KCNQ1: variants seen among roughly 807,000 people sequenced by gnomAD.
KCNQ1 encodes potassium voltage-gated channel subfamily Q member 1.
KCNQ1 carries 49 observed loss-of-function variants against 72.4 expected under a neutral mutation model. That is an observed-to-expected ratio of 0.68 (90% confidence interval 0.54 to 0.86). The LOEUF (loss-of-function observed/expected upper bound fraction) is 0.86. Ranked by LOEUF, KCNQ1 falls within the 40% of genes least tolerant of loss-of-function variation. KCNQ1 has a pLI of 0.00. For missense variants in KCNQ1, 790 were observed against 945.1 expected (o/e 0.84, Z 2.15); for synonymous variants, 450 against 412.6 (o/e 1.09, Z -1.10).
At chr11:2,583,284 G>T (rs886718609) in intron 6 of KCNQ1, 151 bp from the exon 7 acceptor site, 10 of 711,724 alleles carry the variant, frequency 1.4e-5, no homozygotes, top group Non-Finnish European at 1.8e-5. Flanking sequence ...CTCTGTTCCT[G>T]GTGCTTTCGC....
intron 10 of KCNQ1, chr11:2,614,510 T>G (rs898398214): frequency 1.0e-5 from 4 of 398,384 alleles, no homozygotes; most frequent in African/African-American, 8.2e-5. Flanking sequence ...ATTTATGCCT[T>G]TAACTCTTAT....
intron 2 of KCNQ1, among the ~76,000 whole-genome samples, chr11:2,546,096 T>A (rs891934293): frequency 3.3e-5 from 5 of 151,844 alleles, no homozygotes; most frequent in African/African-American, 4.8e-5. Context: ...TGAATAGAAA[T>A]TTTTTTTTCC....
intron 2 of KCNQ1, among the ~76,000 whole-genome samples, chr11:2,553,396 A>T (rs548566448): frequency 2.2e-4 from 34 of 152,224 alleles, no homozygotes; most frequent in African/African-American, 7.9e-4. Flanking sequence ...TGGGAGCTGT[A>T]GGGTTTTAGT....
Position 2,620,211 on chromosome 11 carries a change from A to ATATATATAT in KCNQ1, c.1393+31358_1393+31359insATATATATT, listed in dbSNP as rs1383035176. On this transcript the variant is annotated intron_variant, in intron 10 of 15. Coordinates refer to ENST00000155840, the MANE Select transcript of KCNQ1 (RefSeq NM_000218.3). This position sits in a 1 kb window ranked among gnomAD's most constrained non-coding sequence, Gnocchi z 4.5. ...TAAGTTCATTCATGTATATATATAT[A>ATATATATAT]TTTTTTTTTTTTATTTTTTTTTTAG... 15 of 261,918 alleles carry ATATATATAT rather than the reference A, an allele frequency of 5.7e-5. No individual in the cohort carries two copies. The highest frequency in any genetic ancestry group is 9.4e-5 in the Non-Finnish European group (14 of 149,542). 16.2% of individuals were successfully genotyped at this position (261,918 alleles called of 1,614,324 possible).
At position 2,759,555 on chromosome 11, in the gene KCNQ1, A is replaced by C. The variant is rs1846356787; in HGVS notation, c.1515-9289A>C. On this transcript the variant is annotated intron_variant, in intron 11 of 15. Coordinates refer to ENST00000155840, the MANE Select transcript of KCNQ1 (RefSeq NM_000218.3). This position sits in a 1 kb window ranked among gnomAD's most constrained non-coding sequence, Gnocchi z 4.4. ...TGTGGGACCTCACTGCGCGGGAGGG[A>C]GTTGCAAAGAGCGACACCCCAGCAT... is the stretch of plus-strand genomic sequence containing the variant. 6.6e-6 allele frequency among the ~76,000 whole-genome samples: 1 copy of C among 152,132 alleles called. No homozygotes were observed. Among genetic ancestry groups the C allele is most frequent in the Non-Finnish European group, 1.5e-5 (1 of 68,024 alleles).
In KCNQ1 at chr11:2,652,034, G is replaced by A. The variant is rs1249454182; in HGVS notation, c.1394-9927G>A. 1.5e-5 allele frequency: 6 copies of A among 398,558 alleles called. No individual in the cohort carries two copies. The highest frequency in any genetic ancestry group is 2.7e-5 in the Non-Finnish European group (6 of 226,098). The allele number at this position is 398,558 out of a possible 1,614,324, so 24.7% of individuals were successfully genotyped here. A position where few individuals can be genotyped will look rare whatever the true frequency, so the allele number is the denominator to read the frequency against. On this transcript the variant is annotated intron_variant, in intron 10 of 15. Coordinates refer to ENST00000155840, the MANE Select transcript of KCNQ1 (RefSeq NM_000218.3). The surrounding 1 kb of genome is among the most constrained non-coding windows in gnomAD (Gnocchi z 5.9). ...TGATGTTGAGCCTCCCCCCAGTTCT[G>A]GGGTGGCTCTGACTGTGTCCAGGCT... is the stretch of plus-strand genomic sequence containing the variant.
At position 2,492,130 on chromosome 11, in the gene KCNQ1, T is replaced by G. The variant is rs1448425333; in HGVS notation, c.387-35798T>G. On this transcript the variant is annotated intron_variant, in intron 1 of 15. Transcript: ENST00000155840. This position sits in a 1 kb window ranked among gnomAD's most constrained non-coding sequence, Gnocchi z 4.1. Reference sequence around the variant, plus strand: ...GGTGTTAATAAGCAACAAGAAATGATGTGAAGGTACAAAACTCACTGGTAA... The same window carrying G: ...GGTGTTAATAAGCAACAAGAAATGAGGTGAAGGTACAAAACTCACTGGTAA... Among the ~76,000 whole-genome samples, 1 of 152,148 alleles carries G rather than the reference T, an allele frequency of 6.6e-6. No individual in the cohort carries two copies. The highest frequency in any genetic ancestry group is 1.5e-5 in the Non-Finnish European group (1 of 68,026).
intron 10 of KCNQ1, chr11:2,628,174 A>G: frequency 2.5e-6 from 1 of 398,630 alleles, no homozygotes. Context: ...GCTGGATCAT[A>G]TAGCAGTTCC....
intron 15 of KCNQ1, among the ~76,000 whole-genome samples, chr11:2,812,064 C>G (rs781684136): frequency 6.6e-6 from 1 of 152,130 alleles, no homozygotes; most frequent in Non-Finnish European, 1.5e-5. Context: ...TCATGGTTCT[C>G]TAAGCCGCCG....
Position 2,769,839 on chromosome 11 carries a change from C to T in KCNQ1, c.1590+920C>T, listed in dbSNP as rs141570862. On this transcript the variant is annotated intron_variant, in intron 12 of 15. Transcript: ENST00000155840. This position sits in a 1 kb window ranked among gnomAD's most constrained non-coding sequence, Gnocchi z 4.6. ...GCTTCTGAGCTGGGGGCCCCTGGCA[C>T]CTCAGCCACAGCCTCACCAGTCATA... Among the ~76,000 whole-genome samples the T allele has an allele frequency of 5.2e-3, 796 of 152,164 alleles. 6 individuals are homozygous for T. Among genetic ancestry groups the T allele is most frequent in the African/African-American group, 0.018 (734 of 41,472 alleles).
At chr11:2,505,240 C>G (rs1847083918) in intron 1 of KCNQ1, among the ~76,000 whole-genome samples, 1 of 152,002 alleles carries the variant, frequency 6.6e-6, no homozygotes, top group Admixed American at 6.6e-5. Context: ...TTCTTTGATT[C>G]ATTGGTTAAG....
Position 2,445,414 on chromosome 11 carries a change from G to C in KCNQ1, c.316G>C (p.Val106Leu). Residue 106 changes from valine to leucine, a missense_variant, in exon 1 of 16, where the codon GTC (valine) becomes CTC (leucine). Val to Leu is a conservative substitution (Grantham distance 32). Around this residue, in one of 5 missense-constraint regions of KCNQ1, gnomAD observed 294 missense variants for 323.3 expected, o/e 0.91. Transcript: ENST00000155840. ...TRRPVLARTH[V>L]QGRVYNFLER... Reference sequence around the variant, plus strand: ...CCGCCCGGTGTTGGCGCGCACCCACGTCCAGGGCCGCGTCTACAACTTCCT... The same window carrying C: ...CCGCCCGGTGTTGGCGCGCACCCACCTCCAGGGCCGCGTCTACAACTTCCT... 6.3e-7 allele frequency: 1 copy of C among 1,597,916 alleles called. No individual in the cohort carries two copies. Among genetic ancestry groups the C allele is most frequent in the Non-Finnish European group, 8.5e-7 (1 of 1,179,726 alleles).
At chr11:2,667,710 G>A (rs1477660610) in intron 11 of KCNQ1, 3 of 398,664 alleles carry the variant, frequency 7.5e-6, no homozygotes, top group Non-Finnish European at 1.3e-5. Context: ...CAGGAAGTCT[G>A]GAAGCCGTGT....
intron 15 of KCNQ1, among the ~76,000 whole-genome samples, chr11:2,833,583 C>G (rs1422161821): frequency 6.6e-6 from 1 of 152,222 alleles, no homozygotes; most frequent in Non-Finnish European, 1.5e-5. Context: ...CACTGGGAGG[C>G]AAGAGGCTGG....
rs1486805723 is a variant in KCNQ1 at position 2,543,511 on chromosome 11, C to T, written c.477+15493C>T. ...CTGGTGTCAAACTCCTGGCCTCAAG[C>T]GATCCCCTTGCCTCGGCCTCCCAAA... On this transcript the variant is annotated intron_variant, in intron 2 of 15. Transcript: ENST00000155840. This position sits in a 1 kb window ranked among gnomAD's most constrained non-coding sequence, Gnocchi z 5.6. Among the ~76,000 whole-genome samples the T allele has an allele frequency of 1.3e-5, 2 of 152,158 alleles. No individual in the cohort carries two copies. The highest frequency in any genetic ancestry group is 2.1e-4 in the South Asian group (1 of 4,834).
intron 2 of KCNQ1, among the ~76,000 whole-genome samples, chr11:2,545,043 T>G (rs1015623989): frequency 6.6e-6 from 1 of 152,262 alleles, no homozygotes; most frequent in Non-Finnish European, 1.5e-5. Flanking sequence ...ATACATCTTT[T>G]GATATGATCA....
Position 2,659,160 on chromosome 11 carries a change from T to G in KCNQ1, c.1394-2801T>G, listed in dbSNP as rs1414940786. 1 of 398,544 alleles carries G rather than the reference T, an allele frequency of 2.5e-6. No homozygotes were observed. Among genetic ancestry groups the G allele is most frequent in the Non-Finnish European group, 4.4e-6 (1 of 226,076 alleles). The allele number at this position is 398,544 out of a possible 1,614,324, so 24.7% of individuals were successfully genotyped here. A position where few individuals can be genotyped will look rare whatever the true frequency, so the allele number is the denominator to read the frequency against. ...ATCCACTCTTTGAGATTCAGTTCTG[T>G]GGGTTTTGACAGATGTCTGGAGTCA... On this transcript the variant is annotated intron_variant, in intron 10 of 15. Coordinates refer to ENST00000155840, the MANE Select transcript of KCNQ1 (RefSeq NM_000218.3). The surrounding 1 kb of genome is among the most constrained non-coding windows in gnomAD (Gnocchi z 4.3).
At chr11:2,490,609 GAGA>G (rs1397012780) in intron 1 of KCNQ1, among the ~76,000 whole-genome samples, 6 of 152,356 alleles carry the variant, frequency 3.9e-5, no homozygotes, top group Admixed American at 3.9e-4. Flanking sequence ...GAGAAAGTAA[GAGA>G]AGAAAACAAG....
intron 6 of KCNQ1, among the ~76,000 whole-genome samples, chr11:2,577,868 C>G (rs909196376): frequency 5.9e-5 from 9 of 152,178 alleles, no homozygotes; most frequent in African/African-American, 1.9e-4. Context: ...TCCTGCCCCC[C>G]ACCCAGGGGC....
Sources: allele counts gnomAD v4.1 joint callset (sites outside exome capture counted in the v4.1 genomes callset), GRCh38; gene constraint gnomAD v4.1.1; regional missense constraint gnomAD v4.1.1; non-coding constraint Gnocchi (gnomAD v3.1); transcripts MANE v1.5; gene names NCBI Gene and HGNC (gene_info 2026-07-23, HGNC 2026-07-21).